Variants in IL15 observed in about 807,000 individuals in gnomAD.
IL15 encodes interleukin-15.
A neutral mutation model predicts 19.6 loss-of-function variants in IL15; 11 were observed. That is an observed-to-expected ratio of 0.56 (90% CI 0.35 to 0.93). IL15 has a LOEUF of 0.93. IL15 is among the 40% of genes least tolerant of loss of function. The pLI is 0.01. For synonymous variants in IL15, 58 were observed against 59.6 expected, an observed-to-expected ratio of 0.97 and a Z score of 0.12; for missense variants, 197 against 186.5, an observed-to-expected ratio of 1.06 and a Z score of -0.33.
intron 2 of IL15, among the ~76,000 whole-genome samples, chr4:141,711,560 G>A: frequency 6.6e-6 from 1 of 152,204 alleles, no homozygotes; most frequent in Admixed American, 6.5e-5. Flanking sequence ...TATAGGTGTT[G>A]TAGGTACAGT....
chr4:141,706,540 A>G (rs1392616065), intron 2 of IL15, among the ~76,000 whole-genome samples: 1 of 152,010 alleles, frequency 6.6e-6, no homozygotes, highest in Non-Finnish European at 1.5e-5. Flanking sequence ...CGTTTTTATT[A>G]TAGTAATAAT....
intron 4 of IL15, chr4:141,721,593 A>T (rs897737655): frequency 1.9e-6 from 1 of 523,478 alleles, no homozygotes; most frequent in Non-Finnish European, 3.6e-6. Context: ...CTAGTAATTC[A>T]TTCAAAATCA....
At chr4:141,706,151 T>C (rs1729506973) in intron 2 of IL15, among the ~76,000 whole-genome samples, 1 of 152,022 alleles carries the variant, frequency 6.6e-6, no homozygotes, top group African/African-American at 2.4e-5. Context: ...TTCTTCCTCT[T>C]TTATTGTTTA....
intron 2 of IL15, among the ~76,000 whole-genome samples, chr4:141,675,991 A>G (rs1728327409): frequency 6.6e-6 from 1 of 152,204 alleles, no homozygotes; most frequent in South Asian, 2.1e-4. Context: ...TAATACAGAC[A>G]AAAGTGTCTA....
chr4:141,688,486 A>G (rs1453374818), intron 2 of IL15, among the ~76,000 whole-genome samples: 1 of 152,238 alleles, frequency 6.6e-6, no homozygotes, highest in Non-Finnish European at 1.5e-5. Flanking sequence ...AGTATACAAG[A>G]GTGCTATAAT....
chr4:141,707,172 A>G (rs911552055), intron 2 of IL15, among the ~76,000 whole-genome samples: 19 of 152,078 alleles, frequency 1.2e-4, no homozygotes, highest in African/African-American at 3.1e-4. Context: ...AAATTCCTTC[A>G]TGAAAGATCT....
intron 1 of IL15, among the ~76,000 whole-genome samples, chr4:141,648,858 C>T (rs1727314491): frequency 6.6e-6 from 1 of 152,050 alleles, no homozygotes; most frequent in Admixed American, 6.6e-5. Context: ...GGTGTTTAAA[C>T]CAAAGAGGCT....
chr4:141,676,982 G>A (rs1304853543), intron 2 of IL15, among the ~76,000 whole-genome samples: 1 of 152,100 alleles, frequency 6.6e-6, no homozygotes, highest in Non-Finnish European at 1.5e-5. Context: ...TCTGGCAGAA[G>A]GGTTATTGTT....
rs530305346 is a variant in IL15, at chr4:141,696,429, A to G, written c.-99-22937A>G. Among the ~76,000 whole-genome samples, 9 of 152,204 alleles carry G rather than the reference A, an allele frequency of 5.9e-5. No homozygotes were observed. In the South Asian group the frequency reaches 8.3e-4, roughly 14 times the overall value. On this transcript the variant is annotated intron_variant, in intron 2 of 7. Coordinates refer to ENST00000320650, the MANE Select transcript of IL15 (RefSeq NM_000585.5). ...TATTTGGGGTGTTTAGTAGTTCCAC[A>G]TGAATTTTAGAATTTCTTTTATATT...
chr4:141,685,979 C>A (rs1040271767), intron 2 of IL15, among the ~76,000 whole-genome samples: 5 of 152,074 alleles, frequency 3.3e-5, no homozygotes, highest in Non-Finnish European at 7.3e-5. Flanking sequence ...TTATTTAGAA[C>A]CTAGCACATC....
intron 2 of IL15, among the ~76,000 whole-genome samples, chr4:141,664,296 A>C (rs1249117240): frequency 6.6e-6 from 1 of 151,798 alleles, no homozygotes; most frequent in African/African-American, 2.4e-5. Context: ...AAAATAGGAA[A>C]AACAGAGATA....
intron 2 of IL15, among the ~76,000 whole-genome samples, chr4:141,684,086 A>T (rs983020988): frequency 2.0e-5 from 3 of 152,172 alleles, no homozygotes; most frequent in African/African-American, 4.8e-5. Flanking sequence ...TGTGTTGGAG[A>T]AGCTGGGAGA....
At chr4:141,699,918 G>T (rs1300643682) in intron 2 of IL15, among the ~76,000 whole-genome samples, 1 of 151,814 alleles carries the variant, frequency 6.6e-6, no homozygotes, top group South Asian at 2.1e-4. Flanking sequence ...TACCCTATGA[G>T]ATTTATTTAT....
At chr4:141,694,805 C>T (rs1332966491) in intron 2 of IL15, among the ~76,000 whole-genome samples, 2 of 152,158 alleles carry the variant, frequency 1.3e-5, no homozygotes, top group Admixed American at 6.5e-5. Flanking sequence ...TGGACTTTTC[C>T]CACAGACCTG....
intron 5 of IL15, among the ~76,000 whole-genome samples, chr4:141,726,246 TAAATA>T (rs1730261208): frequency 6.6e-6 from 1 of 151,832 alleles, no homozygotes; most frequent in Non-Finnish European, 1.5e-5. Context: ...GAGAAAAAAA[TAAATA>T]AAAGGCACAC....
At chr4:141,707,895 G>T (rs977890904) in intron 2 of IL15, among the ~76,000 whole-genome samples, 1 of 152,194 alleles carries the variant, frequency 6.6e-6, no homozygotes, top group Non-Finnish European at 1.5e-5. Flanking sequence ...TGGCTGTGTG[G>T]CTTTCTTTTC....
chr4:141,682,990 G>A (rs867296390), intron 2 of IL15, among the ~76,000 whole-genome samples: 1 of 151,974 alleles, frequency 6.6e-6, no homozygotes, highest in Non-Finnish European at 1.5e-5. Flanking sequence ...AACAATAGGG[G>A]CTGGGTGCGG....
intron 2 of IL15, among the ~76,000 whole-genome samples, chr4:141,692,860 G>C (rs1265856653): frequency 6.6e-6 from 1 of 151,506 alleles, no homozygotes; most frequent in South Asian, 2.1e-4. Context: ...CTATTACCCA[G>C]TTCAAAAGTC....
At chr4:141,680,539 C>T (rs1428162712) in intron 2 of IL15, among the ~76,000 whole-genome samples, 2 of 152,154 alleles carry the variant, frequency 1.3e-5, no homozygotes, top group Non-Finnish European at 1.5e-5. Flanking sequence ...TAAATTTGAT[C>T]AGAAATTGTC....
Sources: gnomAD v4.1 joint callset for allele counts (sites outside exome capture counted in the v4.1 genomes callset) on GRCh38, gnomAD v4.1.1 for gene constraint, MANE v1.5 for transcripts, NCBI Gene and HGNC (gene_info 2026-07-23, HGNC 2026-07-21) for gene names.